The following NATD1 variants were observed in gnomAD, a reference collection of about 807,000 sequenced individuals.
NATD1 encodes the protein N-acetyltransferase domain containing 1.
Under a neutral mutation model 12.0 loss-of-function variants are expected in NATD1, and 9 were observed. The ratio of observed to expected loss-of-function variants is 0.75; its 90% CI spans 0.45 to 1.30. The LOEUF (loss-of-function observed/expected upper bound fraction) is 1.30. NATD1 is among the 50% of genes most tolerant of loss of function. The pLI is 0.00. For missense variants in NATD1, 148 were observed against 148.5 expected (o/e 1.00, Z 0.02); for synonymous variants, 71 against 65.9 (o/e 1.08, Z -0.37).
chr17:21,243,008 G>C lies in NATD1; in HGVS notation c.*305C>G, dbSNP rs1405619528. ...TCCTGCTGATCTCCAAGTGGAGCCC[G>C]GTGGGCAGGATGCAGGCTGGCTCTA... On this transcript the variant is annotated 3_prime_UTR_variant, in exon 3 of 3. Coordinates refer to ENST00000611551, the MANE Select transcript of NATD1 (RefSeq NM_152914.3). The C allele has an allele frequency of 3.8e-6, 1 of 260,432 alleles. No homozygotes were observed. Among genetic ancestry groups the C allele is most frequent in the African/African-American group, 2.2e-5 (1 of 46,034 alleles). 16.1% of individuals were successfully genotyped at this position (260,432 alleles called of 1,614,324 possible). A position where few individuals can be genotyped will look rare whatever the true frequency, so the allele number is the denominator to read the frequency against.
chr17:21,251,293 G>GAAAAAAAAAAAAAAA (rs923554742), intron 1 of NATD1, among the ~76,000 whole-genome samples: 1 of 85,470 alleles, frequency 1.2e-5, no homozygotes. Context: ...GAAAGAAAAA[G>GAAAAAAAAAAAAAAA]AAAAAAAAAA....
Position 21,242,714 on chromosome 17 carries a change from C to T in NATD1, c.*599G>A, listed in dbSNP as rs1023955470. 6.5e-6 allele frequency: 1 copy of T among 152,696 alleles called. No individual in the cohort carries two copies. The highest frequency in any genetic ancestry group is 2.4e-5 in the African/African-American group (1 of 41,448). The allele number at this position is 152,696 out of a possible 1,614,324, so 9.5% of individuals were successfully genotyped here. On this transcript the variant is annotated 3_prime_UTR_variant, in exon 3 of 3. Transcript: ENST00000611551. ...CCTGTGTGTTCACATGTGTGAACCG[C>T]ACGTACGGTTGAGCCTGGCCAGTGC...
rs1335915810 is a variant in NATD1 at position 21,252,860 on chromosome 17, T to G, written c.106+299A>C. On this transcript the variant is annotated intron_variant, in intron 1 of 2. Coordinates refer to ENST00000611551, the MANE Select transcript of NATD1 (RefSeq NM_152914.3). ...CTGCCCCAGCTCCTGCCTCTGCCTT[T>G]CCAGGGGCCCCTGTCCGCCCTGGCC... Among the ~76,000 whole-genome samples the G allele has an allele frequency of 5.9e-5, 9 of 151,992 alleles. No individual in the cohort carries two copies. In the South Asian group the frequency reaches 1.9e-3, roughly 32 times the overall value.
Position 21,239,067 on chromosome 17 carries a change from G to A in NATD1, c.*4246C>T, listed in dbSNP as rs1269404895. ...CCCTGAGAATCGTAAAGGGATATTT[G>A]GGTGGACTTGAGCAAATCCAAGAAC... On this transcript the variant is annotated 3_prime_UTR_variant, in exon 3 of 3. Coordinates refer to ENST00000611551, the MANE Select transcript of NATD1 (RefSeq NM_152914.3). 6.6e-6 allele frequency: 1 copy of A among 152,186 alleles called. No homozygotes were observed. The highest frequency in any genetic ancestry group is 2.1e-4 in the South Asian group (1 of 4,834). The allele number at this position is 152,186 out of a possible 1,614,324, so 9.4% of individuals were successfully genotyped here. A position where few individuals can be genotyped will look rare whatever the true frequency, so the allele number is the denominator to read the frequency against.
chr17:21,243,385 G>A lies in NATD1; in HGVS notation c.270C>T (p.Leu90=), dbSNP rs898044754. 2.5e-6 allele frequency: 4 copies of A among 1,613,458 alleles called. No individual in the cohort carries two copies. Among genetic ancestry groups the A allele is most frequent in the African/African-American group, 2.7e-5 (2 of 74,936 alleles). The part of the protein sequence containing the change: ...FVVEEDLKAH[L]TCWYIQKYVK... The stretch of plus-strand genomic sequence containing the variant: ...CGTACTTCTGGATGTACCAGCAGGT[G>A]AGATGGGCCTTCAGGTCCTCCTCCA... Residue 90 remains leucine, a synonymous_variant, in exon 3 of 3, where the codon CTC becomes CTT. Coordinates refer to ENST00000611551, the MANE Select transcript of NATD1 (RefSeq NM_152914.3).
Position 21,247,725 on chromosome 17 carries a change from G to A in NATD1, c.107-3501C>T, listed in dbSNP as rs888792402. ...CCCCCCTGTGCTAGTCTGAGGTCTGGAGCTCTCAAGGCAGCTCTTAGAGCC... is the reference window on the plus strand; with the variant it reads ...CCCCCCTGTGCTAGTCTGAGGTCTGAAGCTCTCAAGGCAGCTCTTAGAGCC... On this transcript the variant is annotated intron_variant, in intron 1 of 2. Coordinates refer to ENST00000611551, the MANE Select transcript of NATD1 (RefSeq NM_152914.3). 7.2e-5 allele frequency among the ~76,000 whole-genome samples: 11 copies of A among 152,202 alleles called. No homozygotes were observed. The East Asian group carries it at 1.9e-3, about 27-fold the overall frequency.
In NATD1 at chr17:21,239,700, G is replaced by A. The variant is rs1229154924; in HGVS notation, c.*3613C>T. On this transcript the variant is annotated 3_prime_UTR_variant, in exon 3 of 3. Coordinates refer to ENST00000611551, the MANE Select transcript of NATD1 (RefSeq NM_152914.3). ...AGCTACTCGGGAAGCTGAGGCAGGA[G>A]AATTGCTTGACCCGGGAGGTGGAGG... 1 of 152,292 alleles carries A rather than the reference G, an allele frequency of 6.6e-6. No individual in the cohort carries two copies. Among genetic ancestry groups the A allele is most frequent in the East Asian group, 1.9e-4 (1 of 5,200 alleles). The allele number at this position is 152,292 out of a possible 1,614,324, so 9.4% of individuals were successfully genotyped here. A position where few individuals can be genotyped will look rare whatever the true frequency, so the allele number is the denominator to read the frequency against.
At chr17:21,249,798 G>A (rs140899756) in intron 1 of NATD1, among the ~76,000 whole-genome samples, 84 of 152,358 alleles carry the variant, frequency 5.5e-4, no homozygotes, top group African/African-American at 1.9e-3. Context: ...CTCAGATGGA[G>A]GCCGGGGGCT....
rs1204809174 is a variant in NATD1, at chr17:21,242,848, G to T, written c.*465C>A. The T allele has an allele frequency of 5.7e-5, 9 of 157,784 alleles. No homozygotes were observed. The highest frequency in any genetic ancestry group is 1.3e-4 in the Non-Finnish European group (9 of 71,030). The allele number at this position is 157,784 out of a possible 1,614,324, so 9.8% of individuals were successfully genotyped here. On this transcript the variant is annotated 3_prime_UTR_variant, in exon 3 of 3. Transcript: ENST00000611551. The stretch of plus-strand genomic sequence containing the variant: ...AAGGGGCAGCACCGCTGGCAGGTGG[G>T]GTCTGGCACTGCCACCCTCAGAAGC...
In NATD1 at chr17:21,243,141, C is replaced by T; in HGVS notation, c.*172G>A. ...GCCGCCTCGGTTACCGGGTCACCGCCCATCATTGGTCAGCTGCCTCCAGGG... is the reference window on the plus strand; with the variant it reads ...GCCGCCTCGGTTACCGGGTCACCGCTCATCATTGGTCAGCTGCCTCCAGGG... On this transcript the variant is annotated 3_prime_UTR_variant, in exon 3 of 3. Transcript: ENST00000611551. 1 of 577,354 alleles carries T rather than the reference C, an allele frequency of 1.7e-6. No homozygotes were observed. Among genetic ancestry groups the T allele is most frequent in the South Asian group, 2.2e-5 (1 of 46,240 alleles). The allele number at this position is 577,354 out of a possible 1,614,324, so 35.8% of individuals were successfully genotyped here.
Position 21,244,252 on chromosome 17 carries a change from A to G in NATD1, c.107-28T>C. On this transcript the variant is annotated intron_variant, in intron 1 of 2. Transcript: ENST00000611551. The surrounding 1 kb of genome is among the most constrained non-coding windows in gnomAD (Gnocchi z 5.2). ...GGGGGTTGTGGAGACAGGTAAGCCTATGCTGACTCCCATCCCAGCGGACTC... is the reference window on the plus strand; with the variant it reads ...GGGGGTTGTGGAGACAGGTAAGCCTGTGCTGACTCCCATCCCAGCGGACTC... 6.3e-7 allele frequency: 1 copy of G among 1,586,870 alleles called. No homozygotes were observed. Among genetic ancestry groups the G allele is most frequent in the Non-Finnish European group, 8.6e-7 (1 of 1,161,708 alleles).
At position 21,243,130 on chromosome 17, in the gene NATD1, C is replaced by G. The variant is rs747864459; in HGVS notation, c.*183G>C. 1.8e-6 allele frequency: 1 copy of G among 557,304 alleles called. No individual in the cohort carries two copies. Among genetic ancestry groups the G allele is most frequent in the African/African-American group, 1.9e-5 (1 of 53,282 alleles). The allele number at this position is 557,304 out of a possible 1,614,324, so 34.5% of individuals were successfully genotyped here. A position where few individuals can be genotyped will look rare whatever the true frequency, so the allele number is the denominator to read the frequency against. The stretch of plus-strand genomic sequence containing the variant: ...CTGGCCTCCTTGCCGCCTCGGTTAC[C>G]GGGTCACCGCCCATCATTGGTCAGC... On this transcript the variant is annotated 3_prime_UTR_variant, in exon 3 of 3. Transcript: ENST00000611551.
chr17:21,243,961 G>A, intron 2 of NATD1, 145 bp downstream of exon 2: 1 of 656,002 alleles, frequency 1.5e-6, no homozygotes. Context: ...AGGAGCCTGG[G>A]CCCAGAAAGG....
intron 1 of NATD1, among the ~76,000 whole-genome samples, chr17:21,251,746 T>G (rs996777572): frequency 2.4e-4 from 36 of 152,148 alleles, no homozygotes; most frequent in Non-Finnish European, 4.6e-4. Context: ...AAGCCAAATG[T>G]GGGTCGCAGG....
chr17:21,248,999 TG>T (rs1164531678), intron 1 of NATD1, among the ~76,000 whole-genome samples: 1 of 152,108 alleles, frequency 6.6e-6, no homozygotes, highest in Admixed American at 6.5e-5. Context: ...GACCCGTCCC[TG>T]GGTCTCTGCA....
At chr17:21,245,996 C>T (rs771206751) in intron 1 of NATD1, among the ~76,000 whole-genome samples, 22 of 152,224 alleles carry the variant, frequency 1.4e-4, no homozygotes, top group African/African-American at 2.2e-4. Context: ...TCAACTCACC[C>T]AGGACAGGAG....
chr17:21,247,003 A>C (rs929211922), intron 1 of NATD1, among the ~76,000 whole-genome samples: 1 of 152,114 alleles, frequency 6.6e-6, no homozygotes, highest in Non-Finnish European at 1.5e-5. Context: ...CACCAAAAAA[A>C]CCTCAGCTTT....
In NATD1 at chr17:21,239,922, T is replaced by C. The variant is rs1419948848; in HGVS notation, c.*3391A>G. 2.0e-5 allele frequency: 3 copies of C among 152,298 alleles called. No homozygotes were observed. The highest frequency in any genetic ancestry group is 2.1e-4 in the South Asian group (1 of 4,834). The allele number at this position is 152,298 out of a possible 1,614,324, so 9.4% of individuals were successfully genotyped here. A position where few individuals can be genotyped will look rare whatever the true frequency, so the allele number is the denominator to read the frequency against. ...TCAGTAGCTGGGGCGGAATGAGATA[T>C]GGCCCTGGGCCTGGTGCAAGATTTT... On this transcript the variant is annotated 3_prime_UTR_variant, in exon 3 of 3. Coordinates refer to ENST00000611551, the MANE Select transcript of NATD1 (RefSeq NM_152914.3).
In NATD1 at chr17:21,252,374, G is replaced by A. The variant is rs578251132; in HGVS notation, c.106+785C>T. On this transcript the variant is annotated intron_variant, in intron 1 of 2. Coordinates refer to ENST00000611551, the MANE Select transcript of NATD1 (RefSeq NM_152914.3). ...CTTGCTTTCTGGCTTCACGAATCAC[G>A]ATCGGGCCACGTTTACCAGCACTTA... Among the ~76,000 whole-genome samples the A allele has an allele frequency of 1.1e-4, 16 of 152,262 alleles. No individual in the cohort carries two copies. The East Asian group carries it at 2.7e-3, about 26-fold the overall frequency.
Sources: allele counts gnomAD v4.1 joint callset (sites outside exome capture counted in the v4.1 genomes callset), GRCh38; gene constraint gnomAD v4.1.1; non-coding constraint Gnocchi (gnomAD v3.1); transcripts MANE v1.5; gene names NCBI Gene and HGNC (gene_info 2026-07-23, HGNC 2026-07-21).